The following PSORS1C1 variants were observed in gnomAD, a reference collection of about 807,000 sequenced individuals.
The protein encoded by PSORS1C1 is psoriasis susceptibility 1 candidate gene 1 protein.
In PSORS1C1, 7 loss-of-function variants were observed where a neutral mutation model predicts 9.4. That is an observed-to-expected ratio of 0.75 (90% CI 0.42 to 1.40). The LOEUF (loss-of-function observed/expected upper bound fraction) is 1.40. Ranked by LOEUF, PSORS1C1 falls within the 40% of genes most tolerant of loss-of-function variation. The pLI is 0.01. For synonymous variants in PSORS1C1, 63 were observed against 69.4 expected (o/e 0.91, Z 0.46); for missense variants, 146 against 178.1 (o/e 0.82, Z 1.02).
At chr6:31,119,427 T>C (rs1364478158) in intron 1 of PSORS1C1, among the ~76,000 whole-genome samples, 1 of 152,202 alleles carries the variant, frequency 6.6e-6, no homozygotes, top group African/African-American at 2.4e-5. Context: ...GGGCTATAAG[T>C]ACCCGGTGGT....
chr6:31,117,336 G>C, intron 1 of PSORS1C1: 3 of 1,577,436 alleles, frequency 1.9e-6, no homozygotes, highest in Non-Finnish European at 2.6e-6. Flanking sequence ...TGCTGGATCC[G>C]CTGGAGCTAC....
chr6:31,115,164 C>A lies in PSORS1C1; in HGVS notation c.-229+273C>A. 3.0e-6 allele frequency: 1 copy of A among 335,374 alleles called. No individual in the cohort carries two copies. The highest frequency in any genetic ancestry group is 5.8e-6 in the Non-Finnish European group (1 of 172,124). 20.8% of individuals were successfully genotyped at this position (335,374 alleles called of 1,614,324 possible). A position where few individuals can be genotyped will look rare whatever the true frequency, so the allele number is the denominator to read the frequency against. On this transcript the variant is annotated intron_variant, in intron 1 of 5. Coordinates refer to ENST00000259881, the MANE Select transcript of PSORS1C1 (RefSeq NM_014068.3). The surrounding 1 kb of genome is among the most constrained non-coding windows in gnomAD (Gnocchi z 4.2). ...GAAGGTAGAAGAGAAACACAGCCCG[C>A]TTTTGAAGGAAAATGAGGAACACAG...
At chr6:31,133,367 CA>C (rs61098206) in intron 3 of PSORS1C1, among the ~76,000 whole-genome samples, 16,806 of 121,086 alleles carry the variant, frequency 0.14, 1,202 homozygotes, top group African/African-American at 0.28. Flanking sequence ...ACGGCCATTC[CA>C]GACATAGGGA....
intron 3 of PSORS1C1, among the ~76,000 whole-genome samples, chr6:31,135,027 G>A (rs1273917268): frequency 6.6e-6 from 1 of 151,460 alleles, no homozygotes; most frequent in East Asian, 2.0e-4. Flanking sequence ...TGTTGCCTAG[G>A]CTGGTCTCAA....
intron 1 of PSORS1C1, among the ~76,000 whole-genome samples, chr6:31,124,408 G>A (rs921345015): frequency 6.6e-6 from 1 of 152,204 alleles, no homozygotes; most frequent in Non-Finnish European, 1.5e-5. Flanking sequence ...TACAGGGTAA[G>A]TGCTTTTTCC....
At chr6:31,130,154 G>T (rs1034230917) in intron 3 of PSORS1C1, among the ~76,000 whole-genome samples, 2 of 151,864 alleles carry the variant, frequency 1.3e-5, no homozygotes, top group Non-Finnish European at 2.9e-5. Context: ...CACGTTATTG[G>T]CTTGAGGGTC....
intron 3 of PSORS1C1, among the ~76,000 whole-genome samples, chr6:31,135,452 A>G (rs966918726): frequency 9.2e-5 from 14 of 152,000 alleles, no homozygotes; most frequent in Admixed American, 9.2e-4. Flanking sequence ...TGCTGACCTC[A>G]AGTGATCTGC....
chr6:31,127,058 G>C (rs1772712678), intron 2 of PSORS1C1, among the ~76,000 whole-genome samples: 1 of 152,186 alleles, frequency 6.6e-6, no homozygotes, highest in Admixed American at 6.5e-5. Flanking sequence ...CTTTCCACTA[G>C]GGCTATTAGT....
Position 31,120,536 on chromosome 6 carries a change from G to A in PSORS1C1, c.-228-5140G>A, listed in dbSNP as rs144887769. On this transcript the variant is annotated intron_variant, in intron 1 of 5. Coordinates refer to ENST00000259881, the MANE Select transcript of PSORS1C1 (RefSeq NM_014068.3). ...TGGGGAGAGGAGGAGAGGTGGAGGG[G>A]GTGGGTGCCCCAGGGGAAGTTGGTG... 1,037 of 930,460 alleles carry A rather than the reference G, an allele frequency of 1.1e-3. 5 individuals carry two copies. The African/African-American group carries it at 0.012, about 11-fold the overall frequency. The allele number at this position is 930,460 out of a possible 1,614,324, so 57.6% of individuals were successfully genotyped here.
rs2302398 is a variant in PSORS1C1 at position 31,120,455 on chromosome 6, A to G, written c.-228-5221A>G. ...ACGGCCTCCTGACTGATGGCAGCTC[A>G]AGGACACCCGGGTCCTTTATGCCAG... On this transcript the variant is annotated intron_variant, in intron 1 of 5. Coordinates refer to ENST00000259881, the MANE Select transcript of PSORS1C1 (RefSeq NM_014068.3). The G allele has an allele frequency of 0.74, 1,133,741 of 1,525,954 alleles. 423,050 individuals are homozygous for G. The highest frequency in any genetic ancestry group is 0.83 in the South Asian group (69,154 of 83,742). The allele number at this position is 1,525,954 out of a possible 1,614,324, so 94.5% of individuals were successfully genotyped here.
intron 2 of PSORS1C1, among the ~76,000 whole-genome samples, chr6:31,126,442 G>T (rs1772682905): frequency 6.6e-6 from 1 of 152,154 alleles, no homozygotes; most frequent in Admixed American, 6.5e-5. Context: ...CTGTCCTGGG[G>T]CCTGTCCACA....
intron 2 of PSORS1C1, among the ~76,000 whole-genome samples, chr6:31,127,559 G>A (rs1772733119): frequency 2.2e-5 from 1 of 44,500 alleles, no homozygotes; most frequent in Non-Finnish European, 4.5e-5. Context: ...CTAGGAGACA[G>A]GAATTATTAT....
intron 1 of PSORS1C1, among the ~76,000 whole-genome samples, chr6:31,124,867 C>CTGAGGCAGGAGAATCATT (rs1159585200): frequency 5.3e-5 from 8 of 152,162 alleles, no homozygotes; most frequent in African/African-American, 1.9e-4. Context: ...ACTCAGGAGG[C>CTGAGGCAGGAGAATCATT]TGAGGCAGGA....
At chr6:31,130,643 C>T (rs1312561034) in intron 3 of PSORS1C1, among the ~76,000 whole-genome samples, 4 of 152,056 alleles carry the variant, frequency 2.6e-5, no homozygotes, top group South Asian at 4.1e-4. Flanking sequence ...CCTCGCGATC[C>T]GCCCACCTCG....
At position 31,118,837 on chromosome 6, in the gene PSORS1C1, C is replaced by CTTTTTTTTTTTTTTTTTTTTTTTTTT. The variant is rs201665595; in HGVS notation, c.-229+3948_-229+3949insTTTTTTTTTTTTTTTTTTTTTTTTTT. 3 of 92,490 alleles carry CTTTTTTTTTTTTTTTTTTTTTTTTTT rather than the reference C, an allele frequency of 3.2e-5. 1 individual carries two copies. Among genetic ancestry groups the CTTTTTTTTTTTTTTTTTTTTTTTTTT allele is most frequent in the African/African-American group, 9.1e-5 (2 of 22,042 alleles). 5.7% of individuals were successfully genotyped at this position (92,490 alleles called of 1,614,324 possible). On this transcript the variant is annotated intron_variant, in intron 1 of 5. Transcript: ENST00000259881. ...ATCATCCACCTGGAAGTTTTTTCTT[C>CTTTTTTTTTTTTTTTTTTTTTTTTTT]TTCTTCTTTTTTTTTTTTTTTTTTG...
chr6:31,124,419 C>G (rs1437120489), intron 1 of PSORS1C1, among the ~76,000 whole-genome samples: 2 of 152,168 alleles, frequency 1.3e-5, no homozygotes, highest in East Asian at 3.9e-4. Context: ...TGCTTTTTCC[C>G]CCTGTTTCAC....
chr6:31,138,768 A>C lies in PSORS1C1; in HGVS notation c.156A>C (p.Ala52=). Residue 52 remains alanine (A), a synonymous_variant, in exon 5 of 6, where the codon GCA becomes GCC. Coordinates refer to ENST00000259881, the MANE Select transcript of PSORS1C1 (RefSeq NM_014068.3). ...NPDRLCHMEP[A]NHFWHAGDLQ... ...ACCGACTTTGCCACATGGAGCCAGC[A>C]AACCATTTCTGGTGAGAGCCAAATG... 1 of 1,614,116 alleles carries C rather than the reference A, an allele frequency of 6.2e-7. No individual in the cohort carries two copies. Among genetic ancestry groups the C allele is most frequent in the Non-Finnish European group, 8.5e-7 (1 of 1,180,012 alleles).
intron 3 of PSORS1C1, among the ~76,000 whole-genome samples, chr6:31,132,530 G>GAATA (rs9281220): frequency 0.11 from 16,439 of 150,274 alleles, 1,022 homozygotes; most frequent in Non-Finnish European, 0.13. Flanking sequence ...CTCAAAAATT[G>GAATA]AATAAATAAA....
At chr6:31,123,080 C>G (rs148808151) in intron 1 of PSORS1C1, among the ~76,000 whole-genome samples, 178 of 152,326 alleles carry the variant, frequency 1.2e-3, no homozygotes, top group African/African-American at 4.0e-3. Flanking sequence ...TCCTGGCTGC[C>G]GTCAGAACTT....
Sources: gnomAD v4.1 joint callset for allele counts (sites outside exome capture counted in the v4.1 genomes callset) on GRCh38, gnomAD v4.1.1 for gene constraint, Gnocchi (gnomAD v3.1) non-coding constraint, MANE v1.5 for transcripts, NCBI Gene and HGNC (gene_info 2026-07-23, HGNC 2026-07-21) for gene names.